The following NIPA2 variants were observed in gnomAD, a reference collection of about 807,000 sequenced individuals.
NIPA2 encodes NIPA magnesium transporter 2, also known as magnesium transporter NIPA2.
A neutral mutation model predicts 29.7 loss-of-function variants in NIPA2; 11 were observed. The observed-to-expected ratio is 0.37, with a 90% CI of 0.23 to 0.61. The LOEUF is 0.61. Among genes scored for constraint, NIPA2 ranks in the 20% least tolerant of loss-of-function variants. The pLI, the probability that NIPA2 is intolerant of heterozygous loss-of-function variation, is 0.66. For synonymous variants in NIPA2, 183 were observed against 161.9 expected (o/e 1.13, Z -0.99); for missense variants, 426 against 437.9 (o/e 0.97, Z 0.24).
intron 7 of NIPA2, among the ~76,000 whole-genome samples, chr15:22,862,047 C>CTTTTTTTTTTTTTTTTT (rs1251161426): frequency 1.7e-4 from 4 of 23,468 alleles, no homozygotes; most frequent in African/African-American, 5.9e-4. Flanking sequence ...TGATGGGTCT[C>CTTTTTTTTTTTTTTTTT]TCTTTTTTTT....
At chr15:22,857,836 C>CAAAA (rs60523225) in intron 5 of NIPA2, among the ~76,000 whole-genome samples, 9 of 68,760 alleles carry the variant, frequency 1.3e-4, no homozygotes, top group African/African-American at 2.5e-4. Flanking sequence ...GACTCCATCT[C>CAAAA]AAAAAAAAAA....
At chr15:22,852,437 C>G (rs2057825944) in intron 4 of NIPA2, among the ~76,000 whole-genome samples, 1 of 146,236 alleles carries the variant, frequency 6.8e-6, no homozygotes. Flanking sequence ...CCACTGCACT[C>G]CAGCCTGGGT....
In NIPA2 at chr15:22,841,586, G is replaced by A. The variant is rs182646447; in HGVS notation, c.-216+1796G>A. Among the ~76,000 whole-genome samples, 247 of 152,114 alleles carry A rather than the reference G, an allele frequency of 1.6e-3. 1 individual carries two copies. Among genetic ancestry groups the A allele is most frequent in the African/African-American group, 5.6e-3 (232 of 41,490 alleles). On this transcript the variant is annotated intron_variant, in intron 2 of 7. Transcript: ENST00000337451. ...TGCAGCTGTGCGATCTCGGCTCACTGCAACCTCCGCCCTCCAGTTTCTAGC... is the reference window on the plus strand; with the variant it reads ...TGCAGCTGTGCGATCTCGGCTCACTACAACCTCCGCCCTCCAGTTTCTAGC...
rs184190413 is a variant in NIPA2 at position 22,860,263 on chromosome 15, G to A, written c.288-366G>A. Among the ~76,000 whole-genome samples, 15 of 152,104 alleles carry A rather than the reference G, an allele frequency of 9.9e-5. 1 individual carries two copies. Among genetic ancestry groups the A allele is most frequent in the East Asian group, 7.7e-4 (4 of 5,166 alleles). On this transcript the variant is annotated intron_variant, in intron 6 of 7. Transcript: ENST00000337451. ...TTGAACTCCTGACCTGAGGTGACCC[G>A]CGCACCTTGGCCTCCCAAAGTGCTG...
rs760231136 is a variant in NIPA2 at position 22,853,288 on chromosome 15, C to G, written c.196+20C>G. 1.3e-6 allele frequency: 2 copies of G among 1,536,232 alleles called. No homozygotes were observed. The highest frequency in any genetic ancestry group is 1.2e-5 in the South Asian group (1 of 86,874). On this transcript the variant is annotated intron_variant, in intron 5 of 7. Coordinates refer to ENST00000337451, the MANE Select transcript of NIPA2 (RefSeq NM_030922.7). ...TGTCAAGTATGTATAAAGAACATTG[C>G]AAGAAAAATATGATAGCTATATATT...
rs1181546667 is a variant in NIPA2 at position 22,867,120 on chromosome 15, CTAA to C, written c.*275_*277del. On this transcript the variant is annotated 3_prime_UTR_variant, in exon 8 of 8. Transcript: ENST00000337451. ...ATCCCTTCTCCAAAAGCCGAATGCA[CTAA>C]TGACAGTTTTAAGTCTATGAAAATG... 1.2e-4 allele frequency: 56 copies of C among 483,704 alleles called. No homozygotes were observed. The highest frequency in any genetic ancestry group is 1.1e-4 in the Non-Finnish European group (30 of 277,784). The allele number at this position is 483,704 out of a possible 1,614,324, so 30.0% of individuals were successfully genotyped here. A position where few individuals can be genotyped will look rare whatever the true frequency, so the allele number is the denominator to read the frequency against.
rs185379069 is a variant in NIPA2 at position 22,865,701 on chromosome 15, C to T, written c.449-512C>T. Among the ~76,000 whole-genome samples the T allele has an allele frequency of 4.6e-5, 7 of 152,208 alleles. 1 individual carries two copies. The highest frequency in any genetic ancestry group is 1.9e-4 in the East Asian group (1 of 5,174). On this transcript the variant is annotated intron_variant, in intron 7 of 7. Transcript: ENST00000337451. ...TATTATCATGCTGGATTTAATTCTC[C>T]GTATTCAACCAGAACCCCAGTAGTA... is the stretch of plus-strand genomic sequence containing the variant.
rs1356288545 is a variant in NIPA2 at position 22,839,770 on chromosome 15, G to A, written c.-236G>A. 1 of 152,072 alleles carries A rather than the reference G, an allele frequency of 6.6e-6. No homozygotes were observed. The highest frequency in any genetic ancestry group is 1.5e-5 in the Non-Finnish European group (1 of 68,026). The allele number at this position is 152,072 out of a possible 1,614,324, so 9.4% of individuals were successfully genotyped here. ...CTCTCCCAGCCTTTTTTTCATAAGA[G>A]AGACCATATTAAACTTACATGTAAG... is the stretch of plus-strand genomic sequence containing the variant. On this transcript the variant is annotated 5_prime_UTR_variant, in exon 2 of 8. Coordinates refer to ENST00000337451, the MANE Select transcript of NIPA2 (RefSeq NM_030922.7).
At chr15:22,848,870 A>G (rs1195871666) in intron 3 of NIPA2, among the ~76,000 whole-genome samples, 4 of 147,982 alleles carry the variant, frequency 2.7e-5, no homozygotes, top group Non-Finnish European at 6.0e-5. Context: ...CCATTCATCC[A>G]TATTCACCCA....
rs28838732 is a variant in NIPA2, at chr15:22,862,051, T to C, written c.448+1262T>C. ...CATGCCTCGCCTGATGGGTCTCTCT[T>C]TTTTTTTTTTTTTGAGACAGAGTTT... is the stretch of plus-strand genomic sequence containing the variant. On this transcript the variant is annotated intron_variant, in intron 7 of 7. Transcript: ENST00000337451. Among the ~76,000 whole-genome samples, 279 of 50,640 alleles carry C rather than the reference T, an allele frequency of 5.5e-3. 10 individuals carry two copies. The highest frequency in any genetic ancestry group is 0.011 in the Non-Finnish European group (162 of 14,274). 33.2% of individuals were successfully genotyped at this position (50,640 alleles called of 152,430 possible). A position where few individuals can be genotyped will look rare whatever the true frequency, so the allele number is the denominator to read the frequency against.
rs537096255 is a variant in NIPA2 at position 22,838,715 on chromosome 15, T to G, written c.-558T>G. On this transcript the variant is annotated 5_prime_UTR_variant, in exon 1 of 8. Transcript: ENST00000337451. ...GCGGTGGTGACGGCGGTGCCGGAGGTTGTCCTTGGCAGGTTTTCCTCGGCG... is the reference window on the plus strand; with the variant it reads ...GCGGTGGTGACGGCGGTGCCGGAGGGTGTCCTTGGCAGGTTTTCCTCGGCG... The G allele has an allele frequency of 6.6e-6, 1 of 152,564 alleles. No individual in the cohort carries two copies. The highest frequency in any genetic ancestry group is 2.4e-5 in the African/African-American group (1 of 41,556). The allele number at this position is 152,564 out of a possible 1,614,324, so 9.5% of individuals were successfully genotyped here. A position where few individuals can be genotyped will look rare whatever the true frequency, so the allele number is the denominator to read the frequency against.
At chr15:22,859,418 G>A (rs1461412621) in intron 6 of NIPA2, among the ~76,000 whole-genome samples, 1 of 148,692 alleles carries the variant, frequency 6.7e-6, no homozygotes, top group African/African-American at 2.5e-5. Flanking sequence ...ACAGCCTCCC[G>A]AGTAGCTGGG....
intron 5 of NIPA2, 64 bp from the exon 6 acceptor site, chr15:22,858,476 C>G (rs549251795): frequency 1.1e-6 from 1 of 920,904 alleles, no homozygotes; most frequent in East Asian, 2.6e-5. Flanking sequence ...CATAAAATGC[C>G]GGCATTTCCA....
At chr15:22,864,985 C>T (rs2058886739) in intron 7 of NIPA2, among the ~76,000 whole-genome samples, 1 of 151,954 alleles carries the variant, frequency 6.6e-6, no homozygotes, top group African/African-American at 2.4e-5. Context: ...TTTCAGCCTC[C>T]CAAGTAGCTG....
intron 2 of NIPA2, among the ~76,000 whole-genome samples, chr15:22,840,170 C>T (rs12903526): frequency 0.14 from 21,768 of 152,000 alleles, 1,862 homozygotes; most frequent in Admixed American, 0.26. Flanking sequence ...ATCCAACCAC[C>T]TTGGCCTCCA....
intron 7 of NIPA2, among the ~76,000 whole-genome samples, chr15:22,865,517 A>T (rs902742640): frequency 3.9e-5 from 6 of 151,994 alleles, no homozygotes; most frequent in Admixed American, 3.3e-4. Flanking sequence ...TGTGTATTTT[A>T]TTAGTGGAAT....
Position 22,862,049 on chromosome 15 carries a change from C to CTCTTTTTTTTTTT in NIPA2, c.448+1261_448+1262insCTTTTTTTTTTTT, listed in dbSNP as rs1555387456. Among the ~76,000 whole-genome samples, 14 of 103,950 alleles carry CTCTTTTTTTTTTT rather than the reference C, an allele frequency of 1.3e-4. 1 individual carries two copies. Among genetic ancestry groups the CTCTTTTTTTTTTT allele is most frequent in the South Asian group, 1.1e-3 (3 of 2,754 alleles). 68.2% of individuals were successfully genotyped at this position (103,950 alleles called of 152,430 possible). A position where few individuals can be genotyped will look rare whatever the true frequency, so the allele number is the denominator to read the frequency against. ...ACCATGCCTCGCCTGATGGGTCTCT[C>CTCTTTTTTTTTTT]TTTTTTTTTTTTTTTGAGACAGAGT... On this transcript the variant is annotated intron_variant, in intron 7 of 7. Transcript: ENST00000337451.
intron 3 of NIPA2, among the ~76,000 whole-genome samples, chr15:22,848,816 C>G (rs1194559423): frequency 3.3e-5 from 3 of 92,192 alleles, no homozygotes; most frequent in Non-Finnish European, 5.8e-5. Flanking sequence ...CAGAGCAAGA[C>G]TCTTGTCTCA....
intron 3 of NIPA2, among the ~76,000 whole-genome samples, chr15:22,847,070 A>G (rs28591329): frequency 0.13 from 19,910 of 150,474 alleles, 1,664 homozygotes; most frequent in East Asian, 0.38. Context: ...TGCCCTGCTA[A>G]TTTTTTTGTA....
Sources: allele counts gnomAD v4.1 joint callset (sites outside exome capture counted in the v4.1 genomes callset), GRCh38; gene constraint gnomAD v4.1.1; transcripts MANE v1.5; gene names NCBI Gene and HGNC (gene_info 2026-07-23, HGNC 2026-07-21).